The following IL16 variants were observed in gnomAD, a reference collection of about 807,000 sequenced individuals.
The protein encoded by IL16 is pro-interleukin-16.
IL16 carries 67 observed loss-of-function variants against 110.1 expected under a neutral mutation model. The observed-to-expected ratio is 0.61, with a 90% CI of 0.50 to 0.75. The LOEUF (loss-of-function observed/expected upper bound fraction) is 0.75. Ranked by LOEUF, IL16 falls within the 30% of genes least tolerant of loss-of-function variation. The pLI is 0.00. For synonymous variants in IL16, 689 were observed against 662.9 expected, an observed-to-expected ratio of 1.04 and a Z score of -0.61; for missense variants, 1,545 against 1,655.0, an observed-to-expected ratio of 0.93 and a Z score of 1.15.
At chr15:81,282,005 C>T (rs944730796) in intron 8 of IL16, among the ~76,000 whole-genome samples, 2 of 152,224 alleles carry the variant, frequency 1.3e-5, no homozygotes, top group Non-Finnish European at 2.9e-5. Context: ...TCACAGTTCT[C>T]CTATGGCATC....
At chr15:81,201,728 T>G (rs569922369) in intron 1 of IL16, among the ~76,000 whole-genome samples, 1 of 152,350 alleles carries the variant, frequency 6.6e-6, no homozygotes, top group Admixed American at 6.5e-5. Flanking sequence ...CTGTAATTAG[T>G]AAAATGTAGA....
rs1900722266 is a variant in IL16, at chr15:81,309,096, A to T, written c.*298A>T. On this transcript the variant is annotated 3_prime_UTR_variant, in exon 19 of 19. Transcript: ENST00000683961. ...AATGGATTTATTAGAATTTCATATG[A>T]CATTCATGCCTGGCTTCGCAAAATG... 3.2e-6 allele frequency: 1 copy of T among 310,132 alleles called. No individual in the cohort carries two copies. The highest frequency in any genetic ancestry group is 2.2e-5 in the African/African-American group (1 of 46,328). 19.2% of individuals were successfully genotyped at this position (310,132 alleles called of 1,614,324 possible). A position where few individuals can be genotyped will look rare whatever the true frequency, so the allele number is the denominator to read the frequency against.
chr15:81,299,830 C>T lies in IL16; in HGVS notation c.2504C>T (p.Ser835Phe). The T allele has an allele frequency of 6.2e-7, 1 of 1,614,022 alleles. No homozygotes were observed. The highest frequency in any genetic ancestry group is 8.5e-7 in the Non-Finnish European group (1 of 1,180,032). The change falls in exon 14 of 19, where the codon TCC (serine) becomes TTC (phenylalanine). Residue 835 changes from serine (S) to phenylalanine (F), a missense_variant. Around this residue, in one of 3 missense-constraint regions of IL16, gnomAD observed 1,185 missense variants for 1,238.8 expected, o/e 0.96. Coordinates refer to ENST00000683961, the MANE Select transcript of IL16 (RefSeq NM_172217.5). ...GGATCACACATCCGGGCCTCCTCCT[C>T]CTCCTCCTCCATCAGGCAGAGAATC... Reference protein sequence around the residue: ...HLGSHIRASSSSSSIRQRISS... With the variant: ...HLGSHIRASSFSSSIRQRISS...
chr15:81,187,093 G>A (rs1895430620), intron 1 of IL16, among the ~76,000 whole-genome samples: 1 of 152,200 alleles, frequency 6.6e-6, no homozygotes, highest in Admixed American at 6.5e-5. Flanking sequence ...CCCTTTGGAG[G>A]CAGACTATGT....
intron 2 of IL16, among the ~76,000 whole-genome samples, chr15:81,230,086 A>T (rs1158123197): frequency 1.3e-5 from 2 of 152,212 alleles, no homozygotes; most frequent in Non-Finnish European, 2.9e-5. Context: ...CTAATTAAGC[A>T]TTTGAATCTG....
In IL16 at chr15:81,308,845, GC is replaced by G; in HGVS notation, c.*48del. On this transcript the variant is annotated 3_prime_UTR_variant, in exon 19 of 19. Coordinates refer to ENST00000683961, the MANE Select transcript of IL16 (RefSeq NM_172217.5). Reference sequence around the variant, plus strand: ...GCCAATAACACACAGCTAACACACAGCTCCCATAACCGCTGATTCTCAGGGT... The same window carrying G: ...GCCAATAACACACAGCTAACACACAGTCCCATAACCGCTGATTCTCAGGGT... 6.7e-7 allele frequency: 1 copy of G among 1,499,104 alleles called. No homozygotes were observed. Among genetic ancestry groups the G allele is most frequent in the Non-Finnish European group, 9.1e-7 (1 of 1,097,292 alleles). 92.9% of individuals were successfully genotyped at this position (1,499,104 alleles called of 1,614,324 possible). A position where few individuals can be genotyped will look rare whatever the true frequency, so the allele number is the denominator to read the frequency against.
At chr15:81,298,350 C>T (rs1900094761) in intron 13 of IL16, among the ~76,000 whole-genome samples, 1 of 152,196 alleles carries the variant, frequency 6.6e-6, no homozygotes, top group Non-Finnish European at 1.5e-5. Flanking sequence ...CAAGCATCCC[C>T]CAAGGCACAC....
chr15:81,260,712 T>C (rs1898118974), intron 3 of IL16, among the ~76,000 whole-genome samples: 1 of 152,210 alleles, frequency 6.6e-6, no homozygotes. Context: ...GCTAAGGCAC[T>C]TGGATCTGGG....
At chr15:81,244,275 G>A (rs2142113665) in intron 2 of IL16, among the ~76,000 whole-genome samples, 1 of 152,146 alleles carries the variant, frequency 6.6e-6, no homozygotes, top group East Asian at 1.9e-4. Flanking sequence ...TATTTTGTTT[G>A]CCATGTGTTT....
chr15:81,300,507 C>G (rs764967784), intron 14 of IL16, 32 bp downstream of exon 14: 1 of 1,372,986 alleles, frequency 7.3e-7, no homozygotes, highest in Non-Finnish European at 1.0e-6. Flanking sequence ...TTCTCTTTAC[C>G]TTTCTCATCT....
At position 81,290,450 on chromosome 15, in the gene IL16, T is replaced by G; in HGVS notation, c.1333-3T>G. On this transcript the variant is annotated splice_region_variant and splice_polypyrimidine_tract_variant and intron_variant, in intron 10 of 18. Coordinates refer to ENST00000683961, the MANE Select transcript of IL16 (RefSeq NM_172217.5). ...GTTTGAGGAGATGACTGATATTTTC[T>G]AGGTCTCTGAACAGCAACTCAAAGA... The G allele has an allele frequency of 6.2e-7, 1 of 1,609,022 alleles. No homozygotes were observed.
chr15:81,202,886 T>G (rs904779371), intron 1 of IL16, among the ~76,000 whole-genome samples: 2 of 152,186 alleles, frequency 1.3e-5, no homozygotes, highest in African/African-American at 4.8e-5. Context: ...TCTAGATCCC[T>G]GAGGAATCGC....
chr15:81,305,284 A>C (rs1900492587), intron 16 of IL16, among the ~76,000 whole-genome samples: 1 of 152,148 alleles, frequency 6.6e-6, no homozygotes, highest in South Asian at 2.1e-4. Flanking sequence ...TGCATTGTAG[A>C]CCCTCTAATG....
In IL16 at chr15:81,306,473, G is replaced by T; in HGVS notation, c.3733G>T (p.Gly1245Cys). Residue 1245 changes from glycine to cysteine, a missense_variant, in exon 18 of 19, where the codon GGC becomes TGC. Coordinates refer to ENST00000683961, the MANE Select transcript of IL16 (RefSeq NM_172217.5). Reference sequence around the variant, plus strand: ...ACTGGAGAAGATGTCGGCAGGGCTGGGCTTCAGCCTGGAAGGAGGGAAGGG... The same window carrying T: ...ACTGGAGAAGATGTCGGCAGGGCTGTGCTTCAGCCTGGAAGGAGGGAAGGG... ...VTLEKMSAGLGFSLEGGKGSL... is the reference protein window; with the variant it reads ...VTLEKMSAGLCFSLEGGKGSL... 1.9e-6 allele frequency: 3 copies of T among 1,614,044 alleles called. No individual in the cohort carries two copies. The highest frequency in any genetic ancestry group is 1.7e-6 in the Non-Finnish European group (2 of 1,180,018).
intron 2 of IL16, among the ~76,000 whole-genome samples, chr15:81,245,436 G>T (rs546477035): frequency 3.9e-4 from 60 of 152,152 alleles, no homozygotes; most frequent in Non-Finnish European, 8.1e-4. Context: ...GTGATTTACA[G>T]TTCTCCAGAT....
intron 2 of IL16, among the ~76,000 whole-genome samples, chr15:81,226,425 G>A (rs1311887814): frequency 1.3e-5 from 2 of 152,216 alleles, no homozygotes; most frequent in African/African-American, 4.8e-5. Context: ...TCTATCAAAG[G>A]TGAGATTTTT....
rs764335985 is a variant in IL16 at position 81,265,717 on chromosome 15, G to A, written c.480G>A (p.Ala160=). The part of the protein sequence containing the change: ...IDFPMTKKSA[A]PTDRQPYSLC... ...TTCCAATGACCAAGAAATCTGCAGC[G>A]CCCACGGACAGGCAGCCTTACTCTC... is the stretch of plus-strand genomic sequence containing the variant. The change falls in exon 4 of 19, where the codon GCG becomes GCA. Residue 160 remains alanine (A), a synonymous_variant. Coordinates refer to ENST00000683961, the MANE Select transcript of IL16 (RefSeq NM_172217.5). 4.3e-6 allele frequency: 7 copies of A among 1,614,006 alleles called. No homozygotes were observed. Among genetic ancestry groups the A allele is most frequent in the Admixed American group, 1.7e-5 (1 of 60,004 alleles).
At chr15:81,286,429 C>T (rs1172228231) in intron 10 of IL16, among the ~76,000 whole-genome samples, 1 of 152,084 alleles carries the variant, frequency 6.6e-6, no homozygotes, top group Admixed American at 6.6e-5. Context: ...AGGGACCTGA[C>T]ATGGAAGGAG....
At chr15:81,234,655 T>A (rs1211255299) in intron 2 of IL16, among the ~76,000 whole-genome samples, 1 of 152,242 alleles carries the variant, frequency 6.6e-6, no homozygotes, top group Non-Finnish European at 1.5e-5. Context: ...TTAATTTAAA[T>A]GTTTACATTT....
Sources: gnomAD v4.1 joint callset for allele counts (sites outside exome capture counted in the v4.1 genomes callset) on GRCh38, gnomAD v4.1.1 for gene constraint, gnomAD v4.1.1 regional missense constraint, MANE v1.5 for transcripts, NCBI Gene and HGNC (gene_info 2026-07-23, HGNC 2026-07-21) for gene names.